PPFIBP2: variants seen among roughly 807,000 people sequenced by gnomAD.
The protein encoded by PPFIBP2 is PPFIB scaffold protein 2, also known as liprin-beta-2.
PPFIBP2 carries 118 observed loss-of-function variants against 118.3 expected under a neutral mutation model. The observed-to-expected ratio is 1.00, with a 90% CI of 0.86 to 1.16. The LOEUF is 1.16. Ranked by LOEUF, PPFIBP2 falls within the 50% of genes most tolerant of loss-of-function variation. The pLI, the probability that PPFIBP2 is intolerant of heterozygous loss-of-function variation, is 0.00. For missense variants in PPFIBP2, 1,195 were observed against 1,073.1 expected (o/e 1.11, Z -1.59); for synonymous variants, 414 against 397.4 (o/e 1.04, Z -0.50).
At chr11:7,666,045 G>A in the PPFIBP2 span, 4 of 796,360 alleles carry the variant, frequency 5.0e-6, no homozygotes, top group African/African-American at 3.4e-5. Context: ...GCAGCTGTCT[G>A]GGGGCTCAGC....
At chr11:7,639,994 G>A in intron 15 of PPFIBP2, 124 bp downstream of exon 15, 1 of 1,381,130 alleles carries the variant, frequency 7.2e-7, no homozygotes. Flanking sequence ...TGGGTGGCTG[G>A]AACAAGTTGT....
chr11:7,591,208 G>T (rs576862001), intron 3 of PPFIBP2, among the ~76,000 whole-genome samples: 5 of 152,154 alleles, frequency 3.3e-5, no homozygotes, highest in Non-Finnish European at 7.4e-5. Flanking sequence ...ATTTGAATAA[G>T]GCATAGTTGG....
At chr11:7,658,282 G>A (rs1180932398), downstream of PPFIBP2, among the ~76,000 whole-genome samples, 1 of 134,960 alleles carries the variant, frequency 7.4e-6, no homozygotes, top group African/African-American at 3.0e-5. Context: ...ATCTCCAGGT[G>A]CTATCCCTCC....
At chr11:7,612,439 G>A (rs532403780) in intron 6 of PPFIBP2, among the ~76,000 whole-genome samples, 4 of 152,322 alleles carry the variant, frequency 2.6e-5, no homozygotes, top group South Asian at 4.2e-4. Flanking sequence ...AAGTCAGCCC[G>A]TGTGTGGAAG....
At chr11:7,656,589 C>T (rs1854712006), downstream of PPFIBP2, 3 of 430,736 alleles carry the variant, frequency 7.0e-6, no homozygotes, top group South Asian at 5.5e-5. Flanking sequence ...CTCAGGGTTT[C>T]TTGGGACACT....
chr11:7,574,220 A>T (rs1250524103), intron 3 of PPFIBP2, among the ~76,000 whole-genome samples: 1 of 152,202 alleles, frequency 6.6e-6, no homozygotes, highest in Admixed American at 6.5e-5. Context: ...CTGTTTGTAG[A>T]TGAGCAAAGT....
At chr11:7,553,217 C>G (rs1028840267) in intron 2 of PPFIBP2, among the ~76,000 whole-genome samples, 2 of 143,906 alleles carry the variant, frequency 1.4e-5, no homozygotes, top group Non-Finnish European at 3.0e-5. Context: ...TTTGGAATAA[C>G]AAATTATTAT....
chr11:7,597,902 G>A (rs1860673316), intron 5 of PPFIBP2: 1 of 481,208 alleles, frequency 2.1e-6, no homozygotes, highest in Non-Finnish European at 3.8e-6. Flanking sequence ...ATAACCTGCT[G>A]AGCTGGTTAG....
At chr11:7,646,343 T>G (rs1334428243) in intron 17 of PPFIBP2, among the ~76,000 whole-genome samples, 1 of 152,230 alleles carries the variant, frequency 6.6e-6, no homozygotes, top group Non-Finnish European at 1.5e-5. Flanking sequence ...AAAAGACATT[T>G]GATAGAGGCC....
At chr11:7,577,443 G>A (rs1856591025) in intron 3 of PPFIBP2, 4 of 405,294 alleles carry the variant, frequency 9.9e-6, no homozygotes, top group South Asian at 3.6e-5. Context: ...GCTGAAGGAC[G>A]CAGGCCAGGG....
chr11:7,638,279 TGTGG>T (rs1851702653), intron 14 of PPFIBP2, among the ~76,000 whole-genome samples: 2 of 152,196 alleles, frequency 1.3e-5, no homozygotes, highest in Admixed American at 1.3e-4. Flanking sequence ...ACTTGGAAAC[TGTGG>T]GTCTTGACCG....
At chr11:7,631,076 C>A in intron 11 of PPFIBP2, 48 bp downstream of exon 11, 1 of 1,448,952 alleles carries the variant, frequency 6.9e-7, no homozygotes, top group Non-Finnish European at 9.7e-7. Context: ...GTCCTCCGAG[C>A]TTGCCCTGAG....
rs185393256 is a variant in PPFIBP2 at position 7,556,226 on chromosome 11, C to T, written c.64+6687C>T. The stretch of plus-strand genomic sequence containing the variant: ...ATCCCAGCACTTTGGGAGGCCGAGG[C>T]GGGCGAATCACGAGGTCAGGAGATT... On this transcript the variant is annotated intron_variant, in intron 2 of 23. Coordinates refer to ENST00000299492, the MANE Select transcript of PPFIBP2 (RefSeq NM_003621.5). Among the ~76,000 whole-genome samples the T allele has an allele frequency of 1.8e-4, 28 of 152,248 alleles. 1 individual carries two copies. The East Asian group carries it at 2.3e-3, about 13-fold the overall frequency.
At chr11:7,654,391 CCCCTGGGCCTCATCG>C (rs1301786000), downstream of PPFIBP2, among the ~76,000 whole-genome samples, 5 of 152,220 alleles carry the variant, frequency 3.3e-5, no homozygotes, top group African/African-American at 1.2e-4. Flanking sequence ...TCCCCTCAAT[CCCCTGGGCCTCATCG>C]CAGAAGAGTA....
chr11:7,665,321 T>A, the PPFIBP2 span: 5 of 1,398,656 alleles, frequency 3.6e-6, no homozygotes, highest in African/African-American at 5.8e-5. Flanking sequence ...AAATTGAACT[T>A]ACTCTGAAAC....
chr11:7,568,130 C>A (rs1004172070), intron 3 of PPFIBP2, among the ~76,000 whole-genome samples: 7 of 152,192 alleles, frequency 4.6e-5, no homozygotes, highest in African/African-American at 1.7e-4. Flanking sequence ...TTGGCCATGA[C>A]ACTGGCCTGA....
In PPFIBP2 at chr11:7,616,957, G is replaced by A. The variant is rs1233811604; in HGVS notation, c.619-3978G>A. On this transcript the variant is annotated intron_variant, in intron 6 of 23. Transcript: ENST00000299492. The surrounding 1 kb of genome is among the most constrained non-coding windows in gnomAD (Gnocchi z 5.2). The stretch of plus-strand genomic sequence containing the variant: ...GAAAAATGCCATGTCTTTTGGTTCT[G>A]TTGTGGAAAGTGGAGGGCCGTCGAC... 1.3e-5 allele frequency among the ~76,000 whole-genome samples: 2 copies of A among 152,126 alleles called. No homozygotes were observed. The highest frequency in any genetic ancestry group is 2.9e-5 in the Non-Finnish European group (2 of 68,008).
the PPFIBP2 span, among the ~76,000 whole-genome samples, chr11:7,664,044 G>A: frequency 6.6e-6 from 1 of 152,154 alleles, no homozygotes; most frequent in African/African-American, 2.4e-5. Flanking sequence ...TACACCCACT[G>A]TCTGGCACTC....
intron 3 of PPFIBP2, among the ~76,000 whole-genome samples, chr11:7,568,495 A>G (rs558686857): frequency 2.6e-5 from 4 of 152,186 alleles, no homozygotes; most frequent in South Asian, 2.1e-4. Context: ...ACTCTCTGCA[A>G]CCCCCTAGCA....
Sources: gnomAD v4.1 joint callset for allele counts (sites outside exome capture counted in the v4.1 genomes callset) on GRCh38, gnomAD v4.1.1 for gene constraint, Gnocchi (gnomAD v3.1) non-coding constraint, MANE v1.5 for transcripts, NCBI Gene and HGNC (gene_info 2026-07-23, HGNC 2026-07-21) for gene names.